Variants in IFT80 observed in about 807,000 individuals in gnomAD.
IFT80 encodes the protein intraflagellar transport protein 80 homolog.
In IFT80, 79 loss-of-function variants were observed where a neutral mutation model predicts 107.9. That is an observed-to-expected ratio of 0.73 (90% CI 0.61 to 0.88). The LOEUF is 0.88. Among genes scored for constraint, IFT80 ranks in the 40% least tolerant of loss-of-function variants. The pLI, the probability that IFT80 is intolerant of heterozygous loss-of-function variation, is 0.00. For synonymous variants in IFT80, 299 were observed against 300.9 expected (o/e 0.99, Z 0.07); for missense variants, 797 against 914.2 (o/e 0.87, Z 1.65).
intron 7 of IFT80, among the ~76,000 whole-genome samples, chr3:160,356,460 C>T (rs552039724): frequency 6.6e-6 from 1 of 152,262 alleles, no homozygotes; most frequent in Admixed American, 6.5e-5. Context: ...ATAAAATCTA[C>T]CCATTTTAAG....
intron 18 of IFT80, among the ~76,000 whole-genome samples, chr3:160,271,245 C>T (rs1207973396): frequency 1.3e-5 from 2 of 152,070 alleles, no homozygotes; most frequent in African/African-American, 2.4e-5. Flanking sequence ...GTTTTGGGAA[C>T]AGTATGTCTC....
chr3:160,337,689 C>A (rs1003584561), intron 8 of IFT80, among the ~76,000 whole-genome samples: 1 of 151,116 alleles, frequency 6.6e-6, no homozygotes, highest in Non-Finnish European at 1.5e-5. Flanking sequence ...CTTTGAGTAT[C>A]CTATATTAAC....
At chr3:160,369,625 T>A (rs1230793570) in intron 5 of IFT80, among the ~76,000 whole-genome samples, 3 of 151,940 alleles carry the variant, frequency 2.0e-5, no homozygotes, top group Non-Finnish European at 4.4e-5. Context: ...TATTTCAAAT[T>A]TTTAAAATAT....
In IFT80 at chr3:160,284,661, A is replaced by G. The variant is rs1304248051; in HGVS notation, c.1380+1143T>C. Among the ~76,000 whole-genome samples the G allele has an allele frequency of 2.0e-5, 3 of 152,226 alleles. No homozygotes were observed. The East Asian group carries it at 5.8e-4, about 29-fold the overall frequency. On this transcript the variant is annotated intron_variant, in intron 13 of 19. Coordinates refer to ENST00000326448, the MANE Select transcript of IFT80 (RefSeq NM_020800.3). ...GGTAATTCATCTTGGCAATACTGTAATACTAACGGCAAAAGATTGGAAACA... is the reference window on the plus strand; with the variant it reads ...GGTAATTCATCTTGGCAATACTGTAGTACTAACGGCAAAAGATTGGAAACA...
intron 8 of IFT80, among the ~76,000 whole-genome samples, chr3:160,349,628 C>T (rs554410927): frequency 8.5e-4 from 130 of 152,156 alleles, no homozygotes; most frequent in African/African-American, 3.1e-3. Flanking sequence ...TGGATAAATA[C>T]CACTTTAAGT....
intron 1 of IFT80, among the ~76,000 whole-genome samples, chr3:160,388,038 GC>G (rs1713076926): frequency 7.2e-6 from 1 of 138,732 alleles, no homozygotes; most frequent in Non-Finnish European, 1.6e-5. Flanking sequence ...GAACTGACAG[GC>G]CAGGGATTTA....
intron 18 of IFT80, 43 bp downstream of exon 18, chr3:160,277,263 A>C (rs761778345): frequency 1.3e-6 from 2 of 1,548,404 alleles, no homozygotes; most frequent in African/African-American, 1.4e-5. Context: ...AAATACATTA[A>C]GGTCAAACAG....
intron 8 of IFT80, 169 bp from the exon 9 acceptor site, chr3:160,320,108 T>A (rs1718098528): frequency 1.7e-6 from 1 of 605,504 alleles, no homozygotes; most frequent in South Asian, 2.1e-5. Flanking sequence ...AATACAGATG[T>A]AATTGTTGAA....
At chr3:160,281,054 AT>A (rs1381176192) in intron 14 of IFT80, among the ~76,000 whole-genome samples, 6 of 152,132 alleles carry the variant, frequency 3.9e-5, no homozygotes, top group African/African-American at 1.4e-4. Context: ...TTCAGTGACA[AT>A]TTAGCTGCAG....
At chr3:160,371,719 G>C (rs763959714) in intron 5 of IFT80, among the ~76,000 whole-genome samples, 30 of 152,158 alleles carry the variant, frequency 2.0e-4, no homozygotes, top group Non-Finnish European at 3.4e-4. Flanking sequence ...TGAGATTACA[G>C]GCATGAGCCA....
chr3:160,304,610 T>C (rs1716700405), intron 10 of IFT80, among the ~76,000 whole-genome samples: 1 of 152,056 alleles, frequency 6.6e-6, no homozygotes, highest in South Asian at 2.1e-4. Flanking sequence ...TAATTTTTTG[T>C]ATTTTTAGTA....
intron 10 of IFT80, among the ~76,000 whole-genome samples, chr3:160,305,746 C>T (rs1232855456): frequency 6.6e-6 from 1 of 151,920 alleles, no homozygotes; most frequent in African/African-American, 2.4e-5. Context: ...TCATATAAAC[C>T]AGTAAATTAC....
chr3:160,333,538 GTTTT>G (rs999037840), intron 8 of IFT80, among the ~76,000 whole-genome samples: 2 of 150,964 alleles, frequency 1.3e-5, no homozygotes, highest in African/African-American at 4.9e-5. Context: ...AAAATTTTTT[GTTTT>G]GTTTTTTACT....
At chr3:160,313,793 T>G (rs1308396076) in intron 9 of IFT80, among the ~76,000 whole-genome samples, 1 of 152,064 alleles carries the variant, frequency 6.6e-6, no homozygotes, top group African/African-American at 2.4e-5. Context: ...GTATTTTTAG[T>G]AGAGACGGGG....
intron 1 of IFT80, among the ~76,000 whole-genome samples, chr3:160,397,840 G>A (rs1420272621): frequency 6.7e-6 from 1 of 149,774 alleles, no homozygotes; most frequent in Non-Finnish European, 1.5e-5. Context: ...TCCTGTCTCA[G>A]CCTCCCTAGT....
At chr3:160,383,913 C>T in intron 2 of IFT80, 1 of 985,418 alleles carries the variant, frequency 1.0e-6, no homozygotes, top group Non-Finnish European at 1.2e-6. Flanking sequence ...TGAATACATG[C>T]TAGATCACAC....
intron 8 of IFT80, among the ~76,000 whole-genome samples, chr3:160,353,889 C>G (rs1315540883): frequency 6.6e-6 from 1 of 152,006 alleles, no homozygotes; most frequent in Non-Finnish European, 1.5e-5. Context: ...TAGAGGTTAA[C>G]ATTCTAAATA....
chr3:160,364,460 T>C (rs1721718560), intron 6 of IFT80, among the ~76,000 whole-genome samples: 1 of 152,198 alleles, frequency 6.6e-6, no homozygotes, highest in South Asian at 2.1e-4. Context: ...CTCAAGGATG[T>C]AGAACTAGAA....
intron 18 of IFT80, among the ~76,000 whole-genome samples, chr3:160,276,760 C>T (rs1204697227): frequency 6.6e-6 from 1 of 152,114 alleles, no homozygotes; most frequent in South Asian, 2.1e-4. Flanking sequence ...TCTGCCTGTC[C>T]GACTGCTTTA....
Sources: allele counts gnomAD v4.1 joint callset (sites outside exome capture counted in the v4.1 genomes callset), GRCh38; gene constraint gnomAD v4.1.1; transcripts MANE v1.5; gene names NCBI Gene and HGNC (gene_info 2026-07-23, HGNC 2026-07-21).